Variants in DMD observed in about 807,000 individuals in gnomAD.
The protein encoded by DMD is dystrophin.
In DMD, 63 loss-of-function variants were observed where a neutral mutation model predicts 330.1. The observed-to-expected ratio is 0.19, with a 90% CI of 0.16 to 0.24. The LOEUF is 0.24. DMD is among the 10% of genes least tolerant of loss of function. DMD has a pLI of 1.00. For synonymous variants in DMD, 1,223 were observed against 959.8 expected (o/e 1.27, Z -5.07); for missense variants, 3,344 against 2,684.1 (o/e 1.25, Z -5.43).
At chrX:32,771,017 A>G (rs989507352) in intron 7 of DMD, among the ~76,000 whole-genome samples, 3 of 111,856 alleles carry the variant, frequency 2.7e-5, no homozygotes, top group Non-Finnish European at 3.8e-5. Flanking sequence ...ACATTTCCAT[A>G]TTAAAGGATC....
At chrX:33,063,798 T>C (rs898659623) in intron 1 of DMD, among the ~76,000 whole-genome samples, 1 of 110,525 alleles carries the variant, frequency 9.0e-6, no homozygotes, top group Non-Finnish European at 1.9e-5. Context: ...GGCTTGGGCA[T>C]ATGGTTGAAA....
chrX:31,470,145 A>ACTC (rs2067185641), intron 59 of DMD, among the ~76,000 whole-genome samples: 1 of 110,357 alleles, frequency 9.1e-6, no homozygotes, highest in South Asian at 3.9e-4. Context: ...AGAGTTTGTT[A>ACTC]TTACCCACCT....
In DMD at chrX:32,306,674, C is replaced by T. The variant is rs543688116; in HGVS notation, c.6117+3408G>A. The stretch of plus-strand genomic sequence containing the variant: ...TTTCTCTCCTTATTTTATTTCTTTT[C>T]TTCAATTCTCCCTCCCTCCTTCCCT... On this transcript the variant is annotated intron_variant, in intron 42 of 78. Coordinates refer to ENST00000357033, the MANE Select transcript of DMD (RefSeq NM_004006.3). Among the ~76,000 whole-genome samples the T allele has an allele frequency of 2.6e-3, 279 of 109,365 alleles. 1 individual carries two copies. Among genetic ancestry groups the T allele is most frequent in the Non-Finnish European group, 4.3e-3 (224 of 52,257 alleles). The allele number at this position is 109,365 out of a possible 115,157, so 95.0% of individuals were successfully genotyped here.
At position 31,390,663 on chromosome X, in the gene DMD, A is replaced by C. The variant is rs186021870; in HGVS notation, c.9085-42029T>G. Among the ~76,000 whole-genome samples, 6 of 111,013 alleles carry C rather than the reference A, an allele frequency of 5.4e-5. No individual in the cohort carries two copies. In the East Asian group the frequency reaches 1.7e-3, roughly 32 times the overall value. The stretch of plus-strand genomic sequence containing the variant: ...TCGAAAATACATCTCAAATCTGTTC[A>C]TTTCTCTCTATTTCCATTGCCGCCA... On this transcript the variant is annotated intron_variant, in intron 60 of 78. Transcript: ENST00000357033.
chrX:31,324,852 G>C (rs5927004), intron 61 of DMD, among the ~76,000 whole-genome samples: 2,784 of 111,943 alleles, frequency 0.025, 45 homozygotes, highest in Middle Eastern at 0.047. Context: ...TGAAAGAACA[G>C]CTTCTAATAA....
chrX:32,860,206 G>T (rs2081970598), intron 2 of DMD, among the ~76,000 whole-genome samples: 1 of 111,815 alleles, frequency 8.9e-6, no homozygotes, highest in Non-Finnish European at 1.9e-5. Context: ...ACAAATCAAA[G>T]TAAAAAAATT....
At chrX:33,212,230 A>G (rs2051946083), upstream of DMD, among the ~76,000 whole-genome samples, 1 of 112,576 alleles carries the variant, frequency 8.9e-6, no homozygotes, top group African/African-American at 3.2e-5. Flanking sequence ...CTTCTTTACT[A>G]ACAAATTATT....
intron 41 of DMD, among the ~76,000 whole-genome samples, chrX:32,330,929 A>G (rs1466357566): frequency 9.0e-6 from 1 of 111,730 alleles, no homozygotes; most frequent in Non-Finnish European, 1.9e-5. Flanking sequence ...CAATGTAATA[A>G]AACAATACCA....
At chrX:31,330,215 C>CAA (rs201278748) in intron 61 of DMD, among the ~76,000 whole-genome samples, 21 of 69,441 alleles carry the variant, frequency 3.0e-4, no homozygotes, top group African/African-American at 8.1e-4. Context: ...TATAAAAGTA[C>CAA]AAAAAAAAAA....
chrX:32,758,869 A>G (rs1157724981), intron 7 of DMD, among the ~76,000 whole-genome samples: 1 of 111,768 alleles, frequency 8.9e-6, no homozygotes, highest in Non-Finnish European at 1.9e-5. Context: ...ATGAGACCAA[A>G]TAGGCGTCCA....
intron 2 of DMD, among the ~76,000 whole-genome samples, chrX:32,969,530 A>G (rs1449655670): frequency 2.1e-5 from 2 of 94,027 alleles, no homozygotes; most frequent in East Asian, 6.6e-4. Context: ...ATAAAGCTAT[A>G]AAATGAGTGG....
At chrX:31,151,077 C>A (rs1341170208) in intron 74 of DMD, among the ~76,000 whole-genome samples, 2 of 111,619 alleles carry the variant, frequency 1.8e-5, no homozygotes, top group Non-Finnish European at 3.8e-5. Flanking sequence ...AGAGATTCAT[C>A]GAAGTAAGTA....
chrX:32,903,360 G>GAA (rs2086469980), intron 2 of DMD, among the ~76,000 whole-genome samples: 1 of 109,832 alleles, frequency 9.1e-6, no homozygotes, highest in South Asian at 3.9e-4. Context: ...AAAAGTGGGA[G>GAA]AAGAAGGGAA....
chrX:33,011,273 A>T (rs2093696793), intron 2 of DMD, among the ~76,000 whole-genome samples: 1 of 111,599 alleles, frequency 9.0e-6, no homozygotes, highest in Non-Finnish European at 1.9e-5. Context: ...CAGCCCCACA[A>T]CAATATAATT....
rs2044086464 is a variant in DMD, at chrX:32,501,837, T to C, written c.2298A>G (p.Ile766Met). ...TGAACTTCTCAGCTTTTTCTCGCTC[T>C]ATGGCCTGCAGCATGAGAGCAAAGA... Reference protein sequence around the residue: ...FSDLKEKVNAIEREKAEKFRK... With the variant: ...FSDLKEKVNAMEREKAEKFRK... The change falls in exon 19 of 79, where the codon ATA becomes ATG. Residue 766 changes from isoleucine (I) to methionine (M), a missense_variant. By Grantham distance (10) the Ile-to-Met change is conservative. Coordinates refer to ENST00000357033, the MANE Select transcript of DMD (RefSeq NM_004006.3). 8.3e-7 allele frequency: 1 copy of C among 1,198,862 alleles called. No individual in the cohort carries two copies. The highest frequency in any genetic ancestry group is 1.1e-6 in the Non-Finnish European group (1 of 885,740).
At chrX:31,267,002 G>T in intron 62 of DMD, 1 of 743,194 alleles carries the variant, frequency 1.3e-6, no homozygotes, top group Non-Finnish European at 1.8e-6. Context: ...GCGGGCAGAC[G>T]GGGCGGGGCC....
At chrX:32,169,087 AGG>A (rs1201701845) in intron 44 of DMD, among the ~76,000 whole-genome samples, 2 of 111,679 alleles carry the variant, frequency 1.8e-5, no homozygotes, top group Non-Finnish European at 3.8e-5. Flanking sequence ...TACCTGGAGA[AGG>A]AGATAAACCT....
intron 2 of DMD, among the ~76,000 whole-genome samples, chrX:32,880,929 A>G (rs767186406): frequency 3.0e-4 from 34 of 113,054 alleles, no homozygotes; most frequent in African/African-American, 1.1e-3. Context: ...GGGCAACGAC[A>G]GCAAAACTCC....
chrX:32,501,733 C>T, intron 19 of DMD, 22 bp downstream of exon 19: 1 of 1,142,136 alleles, frequency 8.8e-7, no homozygotes, highest in East Asian at 3.0e-5. Flanking sequence ...AGAAGATTAT[C>T]TAAATCAACT....
Sources: allele counts gnomAD v4.1 joint callset (sites outside exome capture counted in the v4.1 genomes callset), GRCh38; gene constraint gnomAD v4.1.1; transcripts MANE v1.5; gene names NCBI Gene and HGNC (gene_info 2026-07-23, HGNC 2026-07-21).